Variants in RGS3 observed in about 807,000 individuals in gnomAD.
The protein encoded by RGS3 is regulator of G protein signaling 3.
Under a neutral mutation model 132.6 loss-of-function variants are expected in RGS3, and 80 were observed. The observed-to-expected ratio is 0.60, with a 90% CI of 0.50 to 0.73. The LOEUF (loss-of-function observed/expected upper bound fraction) is 0.73. Ranked by LOEUF, RGS3 falls within the 30% of genes least tolerant of loss-of-function variation. The probability of loss-of-function intolerance (pLI) is 0.00; values close to 1 mark genes in which losing one functional copy is unlikely to be tolerated. For synonymous variants in RGS3, 598 were observed against 620.6 expected, an observed-to-expected ratio of 0.96 and a Z score of 0.54; for missense variants, 1,382 against 1,530.8, an observed-to-expected ratio of 0.90 and a Z score of 1.62.
intron 3 of RGS3, among the ~76,000 whole-genome samples, chr9:113,476,083 T>A (rs963951587): frequency 5.9e-5 from 9 of 152,120 alleles, no homozygotes; most frequent in African/African-American, 2.2e-4. Flanking sequence ...GACTATAGGA[T>A]GTGCCACTAT....
intron 16 of RGS3, among the ~76,000 whole-genome samples, chr9:113,520,899 G>C (rs1336574355): frequency 6.6e-6 from 1 of 151,856 alleles, no homozygotes; most frequent in African/African-American, 2.4e-5. Flanking sequence ...TCACATTCAG[G>C]AACTGCACAG....
At chr9:113,594,198 ACG>A in intron 21 of RGS3, 1 of 1,612,930 alleles carries the variant, frequency 6.2e-7, no homozygotes, top group Non-Finnish European at 8.5e-7. Context: ...GCTGCCCAGG[ACG>A]CGGGGTGGGG....
chr9:113,462,532 C>T (rs886122438), intron 3 of RGS3, among the ~76,000 whole-genome samples: 5 of 152,174 alleles, frequency 3.3e-5, no homozygotes, highest in African/African-American at 9.7e-5. Flanking sequence ...AGGACAATGG[C>T]GTTTGGGGCA....
chr9:113,508,500 G>T (rs958081242), intron 13 of RGS3, 41 bp from the exon 12 acceptor site: 1 of 1,611,494 alleles, frequency 6.2e-7, no homozygotes, highest in Non-Finnish European at 8.5e-7. Context: ...GTCCTGCCCT[G>T]TTCCTGGGGC....
At chr9:113,571,947 G>A (rs1287428905) in intron 19 of RGS3, among the ~76,000 whole-genome samples, 1 of 152,160 alleles carries the variant, frequency 6.6e-6, no homozygotes, top group Non-Finnish European at 1.5e-5. Context: ...AATCCATCCT[G>A]TCTCACTATA....
At chr9:113,470,842 G>A (rs1206838305) in intron 3 of RGS3, among the ~76,000 whole-genome samples, 1 of 152,152 alleles carries the variant, frequency 6.6e-6, no homozygotes. Flanking sequence ...GTGTGCACCT[G>A]TGGTCCTAGC....
rs771569621 is a variant in RGS3 at position 113,508,560 on chromosome 9, A to G, written c.1457A>G (p.Gln486Arg). 4.3e-6 allele frequency: 7 copies of G among 1,612,486 alleles called. No homozygotes were observed. The African/African-American group carries it at 8.0e-5, about 18-fold the overall frequency. ...TTGCAGCTGCTCCGGCCTGTGTACCAGGAGGATACCATCCCCGAAGGTGAG... is the reference window on the plus strand; with the variant it reads ...TTGCAGCTGCTCCGGCCTGTGTACCGGGAGGATACCATCCCCGAAGGTGAG... Residue 486 changes from glutamine to arginine, a missense_variant, in exon 14 of 25, where the codon CAG becomes CGG. Physicochemically the swap from Gln to Arg is conservative, Grantham distance 43. Transcript: ENST00000350696.
chr9:113,487,818 G>A (rs1186174819), intron 7 of RGS3, among the ~76,000 whole-genome samples: 4 of 152,180 alleles, frequency 2.6e-5, no homozygotes, highest in Non-Finnish European at 5.9e-5. Context: ...CTAAGGGCCG[G>A]TGGTTCTCGA....
intron 7 of RGS3, among the ~76,000 whole-genome samples, chr9:113,488,327 T>C (rs532261386): frequency 6.6e-6 from 1 of 152,168 alleles, no homozygotes; most frequent in South Asian, 2.1e-4. Flanking sequence ...AGCTGTGAAG[T>C]AGGGCTCACC....
At chr9:113,571,951 C>T (rs892713587) in intron 19 of RGS3, among the ~76,000 whole-genome samples, 2 of 152,174 alleles carry the variant, frequency 1.3e-5, no homozygotes, top group African/African-American at 4.8e-5. Flanking sequence ...CATCCTGTCT[C>T]ACTATAGGGC....
At position 113,579,601 on chromosome 9, in the gene RGS3, G is replaced by A. The variant is rs999779647; in HGVS notation, c.2038-3849G>A. Reference sequence around the variant, plus strand: ...AAGCTGGTCTTCCTGGGGCGCCCTGGCTGGATTCTTGTTACTTCAGCTGTT... The same window carrying A: ...AAGCTGGTCTTCCTGGGGCGCCCTGACTGGATTCTTGTTACTTCAGCTGTT... On this transcript the variant is annotated intron_variant, in intron 19 of 24. Coordinates refer to ENST00000350696, the Ensembl canonical transcript of RGS3. The surrounding 1 kb of genome is among the most constrained non-coding windows in gnomAD (Gnocchi z 4.3). Among the ~76,000 whole-genome samples the A allele has an allele frequency of 2.0e-5, 3 of 152,158 alleles. No individual in the cohort carries two copies. The highest frequency in any genetic ancestry group is 7.2e-5 in the African/African-American group (3 of 41,430).
intron 3 of RGS3, among the ~76,000 whole-genome samples, chr9:113,469,218 C>T (rs1376576031): frequency 6.6e-6 from 1 of 152,030 alleles, no homozygotes; most frequent in African/African-American, 2.4e-5. Flanking sequence ...GTGTGTTGGG[C>T]AGTGCACGGT....
chr9:113,572,321 G>A (rs768239641), intron 19 of RGS3, among the ~76,000 whole-genome samples: 3 of 151,956 alleles, frequency 2.0e-5, no homozygotes, highest in African/African-American at 4.8e-5. Flanking sequence ...GGGTGGGTTT[G>A]GAGAAGACTG....
chr9:113,501,231 G>A (rs1312286750), intron 10 of RGS3: 2 of 347,458 alleles, frequency 5.8e-6, no homozygotes, highest in Non-Finnish European at 1.1e-5. Flanking sequence ...AGGGGTGTTT[G>A]TGAGAACATT....
At chr9:113,493,750 AC>A (rs1830596017) in intron 7 of RGS3, among the ~76,000 whole-genome samples, 1 of 152,062 alleles carries the variant, frequency 6.6e-6, no homozygotes, top group Non-Finnish European at 1.5e-5. Context: ...CTCGAACCCC[AC>A]CTTGGACCAA....
intron 7 of RGS3, among the ~76,000 whole-genome samples, chr9:113,492,720 A>G (rs556495173): frequency 5.9e-5 from 9 of 152,322 alleles, no homozygotes; most frequent in African/African-American, 2.2e-4. Context: ...TCATATACTC[A>G]GGTTGCTTTA....
chr9:113,524,828 T>C (rs1284733581), intron 17 of RGS3, among the ~76,000 whole-genome samples: 2 of 152,160 alleles, frequency 1.3e-5, no homozygotes, highest in African/African-American at 2.4e-5. Flanking sequence ...GGTTGGGGAA[T>C]TGGTTGGGAT....
At chr9:113,547,475 C>T (rs1193194710) in intron 19 of RGS3, among the ~76,000 whole-genome samples, 2 of 152,186 alleles carry the variant, frequency 1.3e-5, no homozygotes, top group Admixed American at 1.3e-4. Context: ...ATATCTTCCC[C>T]TTCCCTCCTT....
At chr9:113,581,162 G>A in intron 19 of RGS3, 1 of 196,384 alleles carries the variant, frequency 5.1e-6, no homozygotes, top group Non-Finnish European at 9.2e-6. Flanking sequence ...GGACTGGTTT[G>A]TTCATGGGGA....
Sources: allele counts gnomAD v4.1 joint callset (sites outside exome capture counted in the v4.1 genomes callset), GRCh38; gene constraint gnomAD v4.1.1; non-coding constraint Gnocchi (gnomAD v3.1); transcripts MANE v1.5; gene names NCBI Gene and HGNC (gene_info 2026-07-23, HGNC 2026-07-21).